MRPS28: variants seen among roughly 807,000 people sequenced by gnomAD.
MRPS28 encodes small ribosomal subunit protein bS1m.
In MRPS28, 7 loss-of-function variants were observed where a neutral mutation model predicts 10.8. The observed-to-expected ratio is 0.65, with a 90% CI of 0.37 to 1.22. The LOEUF is 1.22. Among genes scored for constraint, MRPS28 ranks in the 50% most tolerant of loss-of-function variants. The pLI is 0.02. For missense variants in MRPS28, 265 were observed against 232.9 expected, an observed-to-expected ratio of 1.14 and a Z score of -0.90; for synonymous variants, 121 against 93.3, an observed-to-expected ratio of 1.30 and a Z score of -1.71.
chr8:80,026,401 C>T (rs1809494062), intron 1 of MRPS28, among the ~76,000 whole-genome samples: 1 of 152,232 alleles, frequency 6.6e-6, no homozygotes, highest in African/African-American at 2.4e-5. Context: ...GCACATTCAA[C>T]TGACATGCTC....
chr8:79,983,127 G>C (rs1808024162), intron 2 of MRPS28, among the ~76,000 whole-genome samples: 1 of 152,104 alleles, frequency 6.6e-6, no homozygotes, highest in Non-Finnish European at 1.5e-5. Flanking sequence ...AAAATCCACT[G>C]TTCTGCAGCC....
intron 1 of MRPS28, among the ~76,000 whole-genome samples, chr8:80,028,277 T>A (rs988237841): frequency 6.6e-6 from 1 of 152,000 alleles, no homozygotes; most frequent in African/African-American, 2.4e-5. Flanking sequence ...AGGTAAGAAA[T>A]AGAAAAACTC....
chr8:79,982,408 G>A (rs755319364), intron 2 of MRPS28, among the ~76,000 whole-genome samples: 2 of 152,230 alleles, frequency 1.3e-5, no homozygotes, highest in African/African-American at 4.8e-5. Context: ...GCCAGACAGT[G>A]GGCGCAGGAC....
intron 2 of MRPS28, among the ~76,000 whole-genome samples, chr8:79,941,703 A>T (rs1225650798): frequency 6.6e-6 from 1 of 152,166 alleles, no homozygotes; most frequent in African/African-American, 2.4e-5. Flanking sequence ...GAATTTGAGA[A>T]GTTCGGTTTT....
intron 2 of MRPS28, among the ~76,000 whole-genome samples, chr8:79,927,726 T>C (rs977231402): frequency 1.3e-5 from 2 of 152,162 alleles, no homozygotes; most frequent in African/African-American, 4.8e-5. Flanking sequence ...AAGAACTACT[T>C]TAGGTCTGTC....
chr8:79,989,640 T>C (rs1808300096), intron 2 of MRPS28, among the ~76,000 whole-genome samples: 1 of 152,204 alleles, frequency 6.6e-6, no homozygotes, highest in African/African-American at 2.4e-5. Context: ...GCAACATTTC[T>C]TCAAGGCAGG....
chr8:80,022,185 C>T (rs1000442149), intron 1 of MRPS28, among the ~76,000 whole-genome samples: 2 of 152,020 alleles, frequency 1.3e-5, no homozygotes, highest in African/African-American at 2.4e-5. Flanking sequence ...AATGAAATCA[C>T]ACCATATGTA....
chr8:79,920,182 G>C (rs1481299884), intron 2 of MRPS28, among the ~76,000 whole-genome samples: 2 of 151,988 alleles, frequency 1.3e-5, no homozygotes, highest in African/African-American at 2.4e-5. Context: ...TCTTAATCTA[G>C]TCTATCATTG....
At chr8:80,022,542 C>T (rs1809394245) in intron 1 of MRPS28, among the ~76,000 whole-genome samples, 1 of 152,202 alleles carries the variant, frequency 6.6e-6, no homozygotes, top group South Asian at 2.1e-4. Flanking sequence ...CTGCCAACTC[C>T]TAGACTGAGT....
At chr8:79,939,101 T>G (rs1806688072) in intron 2 of MRPS28, among the ~76,000 whole-genome samples, 1 of 152,186 alleles carries the variant, frequency 6.6e-6, no homozygotes, top group African/African-American at 2.4e-5. Flanking sequence ...AGACTGGGTT[T>G]AGTTACCTCA....
intron 2 of MRPS28, among the ~76,000 whole-genome samples, chr8:79,941,957 G>A (rs1025399753): frequency 6.6e-6 from 1 of 152,170 alleles, no homozygotes; most frequent in Admixed American, 6.5e-5. Flanking sequence ...GAAAGGTAAA[G>A]CATAGTATGT....
intron 1 of MRPS28, among the ~76,000 whole-genome samples, chr8:80,006,628 G>A (rs1023810695): frequency 1.3e-5 from 2 of 152,148 alleles, no homozygotes; most frequent in Non-Finnish European, 2.9e-5. Context: ...TAACATCAGA[G>A]AATACTATAA....
chr8:80,000,640 T>G (rs1808636756), intron 2 of MRPS28, among the ~76,000 whole-genome samples: 1 of 152,220 alleles, frequency 6.6e-6, no homozygotes, highest in Admixed American at 6.5e-5. Flanking sequence ...TGCCAGTATT[T>G]AACCATTTAA....
intron 1 of MRPS28, among the ~76,000 whole-genome samples, chr8:80,019,384 AAAG>A (rs954762279): frequency 2.0e-5 from 3 of 150,992 alleles, no homozygotes; most frequent in Admixed American, 1.3e-4. Context: ...TCAATTGGCT[AAAG>A]AAGAAAAATC....
intron 2 of MRPS28, among the ~76,000 whole-genome samples, chr8:79,997,039 C>A (rs1808517962): frequency 6.6e-6 from 1 of 151,814 alleles, no homozygotes; most frequent in South Asian, 2.1e-4. Context: ...ATATATAAGA[C>A]AATATACATA....
chr8:79,992,907 C>T (rs1306335495), intron 2 of MRPS28, among the ~76,000 whole-genome samples: 2 of 152,130 alleles, frequency 1.3e-5, no homozygotes, highest in Non-Finnish European at 2.9e-5. Flanking sequence ...GAAAATAATG[C>T]ATGCAAACCT....
intron 2 of MRPS28, among the ~76,000 whole-genome samples, chr8:79,977,693 T>C (rs973998734): frequency 2.0e-5 from 3 of 151,982 alleles, no homozygotes; most frequent in Admixed American, 2.0e-4. Flanking sequence ...GGTGGATGCC[T>C]ACAGTTCCAA....
At chr8:79,927,747 T>C (rs750286021) in intron 2 of MRPS28, among the ~76,000 whole-genome samples, 9 of 152,216 alleles carry the variant, frequency 5.9e-5, no homozygotes, top group Non-Finnish European at 1.2e-4. Flanking sequence ...GTGATTTCTT[T>C]GTCTTTTCAA....
At chr8:79,953,021 G>A (rs1807117323) in intron 2 of MRPS28, among the ~76,000 whole-genome samples, 3 of 152,188 alleles carry the variant, frequency 2.0e-5, no homozygotes, top group Admixed American at 2.0e-4. Context: ...TGGAGCTGAA[G>A]TCAGTGCACT....
Sources: gnomAD v4.1 joint callset for allele counts (sites outside exome capture counted in the v4.1 genomes callset) on GRCh38, gnomAD v4.1.1 for gene constraint, MANE v1.5 for transcripts, NCBI Gene and HGNC (gene_info 2026-07-23, HGNC 2026-07-21) for gene names.